ADCY5: variants seen among roughly 807,000 people sequenced by gnomAD.
ADCY5 encodes adenylate cyclase 5, also known as adenylate cyclase type 5.
A neutral mutation model predicts 119.7 loss-of-function variants in ADCY5; 30 were observed. That is an observed-to-expected ratio of 0.25 (90% CI 0.19 to 0.34). The LOEUF is 0.34. Ranked by LOEUF, ADCY5 falls within the 10% of genes least tolerant of loss-of-function variation. ADCY5 has a pLI of 1.00. For missense variants in ADCY5, 1,324 were observed against 1,775.2 expected (o/e 0.75, Z 4.57); for synonymous variants, 753 against 762.2 (o/e 0.99, Z 0.20).
chr3:123,318,624 C>G (rs1344816813), intron 10 of ADCY5, among the ~76,000 whole-genome samples: 1 of 152,208 alleles, frequency 6.6e-6, no homozygotes, highest in East Asian at 1.9e-4. Context: ...GGAGGTTGGG[C>G]TGGCACAGTC....
chr3:123,343,538 G>A (rs7633101), intron 3 of ADCY5, among the ~76,000 whole-genome samples: 151,232 of 152,284 alleles, frequency 0.99, 75,110 homozygotes, highest in East Asian at 1. Context: ...TGCTGATGCC[G>A]AGGTCTGTTT....
intron 3 of ADCY5, among the ~76,000 whole-genome samples, chr3:123,337,548 T>C (rs572515115): frequency 8.5e-4 from 130 of 152,382 alleles, no homozygotes; most frequent in South Asian, 2.1e-3. Flanking sequence ...TCCTAGCTTC[T>C]GGAGGCAGCC....
At chr3:123,436,038 G>A (rs1049353770) in intron 1 of ADCY5, among the ~76,000 whole-genome samples, 13 of 150,904 alleles carry the variant, frequency 8.6e-5, no homozygotes, top group Non-Finnish European at 1.2e-4. Context: ...CTACAGGTGC[G>A]TGCCACCACA....
Position 123,314,297 on chromosome 3 carries a change from G to A in ADCY5, c.2380C>T (p.Leu794=). 6.2e-7 allele frequency: 1 copy of A among 1,613,572 alleles called. No individual in the cohort carries two copies. Among genetic ancestry groups the A allele is most frequent in the Non-Finnish European group, 8.5e-7 (1 of 1,179,570 alleles). The part of the protein sequence containing the change: ...PHSIFMLSFY[L]TCSLLLTLVV... ...AAGGTCAGCAGCAGGGAACAGGTCA[G>A]GTAGAAGCTGAGCATGAATATGGAG... The change falls in exon 12 of 21, where the codon CTG becomes TTG. Residue 794 remains leucine (L), a synonymous_variant. Transcript: ENST00000462833.
chr3:123,321,676 C>T (rs1941226034), intron 8 of ADCY5, among the ~76,000 whole-genome samples: 1 of 152,196 alleles, frequency 6.6e-6, no homozygotes, highest in African/African-American at 2.4e-5. Context: ...AAACAGAGTT[C>T]GGCAAACACT....
At chr3:123,357,405 C>T (rs1943078251) in intron 1 of ADCY5, among the ~76,000 whole-genome samples, 2 of 152,146 alleles carry the variant, frequency 1.3e-5, no homozygotes, top group Non-Finnish European at 2.9e-5. Flanking sequence ...GTGTCTGCTG[C>T]AGCATCTCTG....
At position 123,447,513 on chromosome 3, in the gene ADCY5, C is replaced by G. The variant is rs1268494680; in HGVS notation, c.1033G>C (p.Val345Leu). The change falls in exon 1 of 21, where the codon GTG (valine) becomes CTG (leucine). Residue 345 changes from valine (V) to leucine (L), a missense_variant. Val to Leu is a conservative substitution (Grantham distance 32). Around this residue, in one of 6 missense-constraint regions of ADCY5, gnomAD observed 585 missense variants for 569.9 expected, o/e 1.03. Coordinates refer to ENST00000462833, the MANE Select transcript of ADCY5 (RefSeq NM_183357.3). ...FIYTIYTLLPVRMRAAVLSGV... is the reference protein window; with the variant it reads ...FIYTIYTLLPLRMRAAVLSGV... Reference sequence around the variant, plus strand: ...CTGAGCACTGCGGCCCGCATGCGCACGGGCAGCAGCGTGTAGATGGTGTAG... The same window carrying G: ...CTGAGCACTGCGGCCCGCATGCGCAGGGGCAGCAGCGTGTAGATGGTGTAG... The G allele has an allele frequency of 6.2e-7, 1 of 1,611,342 alleles. No individual in the cohort carries two copies. The highest frequency in any genetic ancestry group is 8.5e-7 in the Non-Finnish European group (1 of 1,179,616).
intron 1 of ADCY5, among the ~76,000 whole-genome samples, chr3:123,420,650 T>C (rs1945286445): frequency 6.6e-6 from 1 of 152,150 alleles, no homozygotes; most frequent in Admixed American, 6.5e-5. Flanking sequence ...CTGACACTGT[T>C]TGTCCCTGGG....
intron 1 of ADCY5, among the ~76,000 whole-genome samples, chr3:123,403,660 C>T (rs1392133237): frequency 1.3e-5 from 2 of 152,194 alleles, no homozygotes; most frequent in Admixed American, 6.5e-5. Flanking sequence ...ACACCACTGC[C>T]GTGAGAATCA....
chr3:123,447,887 T>C lies in ADCY5; in HGVS notation c.659A>G (p.Lys220Arg), dbSNP rs1191706599. 2 of 1,612,080 alleles carry C rather than the reference T, an allele frequency of 1.2e-6. No homozygotes were observed. Among genetic ancestry groups the C allele is most frequent in the Non-Finnish European group, 1.7e-6 (2 of 1,179,430 alleles). ...LALLQIFRSKKFPSDKLERLY... is the reference protein window; with the variant it reads ...LALLQIFRSKRFPSDKLERLY... ...CCGCTCCAGTTTGTCCGACGGGAAC[T>C]TCTTGGAGCGGAATATCTGCAGCAA... The change falls in exon 1 of 21, where the codon AAG (lysine) becomes AGG (arginine). Residue 220 changes from lysine (K) to arginine (R), a missense_variant. Lys to Arg is a conservative substitution (Grantham distance 26). Transcript: ENST00000462833.
chr3:123,439,679 G>A (rs1208283586), intron 1 of ADCY5, among the ~76,000 whole-genome samples: 2 of 152,128 alleles, frequency 1.3e-5, no homozygotes, highest in Non-Finnish European at 2.9e-5. Context: ...AGGGACTACT[G>A]TATGTGAGAC....
chr3:123,363,143 G>GAAAAAAAAAAAAAAAAAAAGAAATA (rs1943316566), intron 1 of ADCY5, among the ~76,000 whole-genome samples: 1 of 50,090 alleles, frequency 2.0e-5, no homozygotes, highest in African/African-American at 6.1e-5. Flanking sequence ...ATTCCTTCTT[G>GAAAAAAAAAAAAAAAAAAAGAAATA]AAAAAAAAAA....
chr3:123,398,616 A>T (rs995736400), intron 1 of ADCY5, among the ~76,000 whole-genome samples: 3 of 152,050 alleles, frequency 2.0e-5, no homozygotes, highest in African/African-American at 7.3e-5. Flanking sequence ...ATCAAATCTA[A>T]ATGTTTGTAA....
chr3:123,334,670 G>A (rs1941941288), intron 3 of ADCY5, among the ~76,000 whole-genome samples: 2 of 152,256 alleles, frequency 1.3e-5, no homozygotes, highest in Non-Finnish European at 2.9e-5. Flanking sequence ...CTCTGGAGAC[G>A]GAGGTTGCAG....
rs1379815629 is a variant in ADCY5, at chr3:123,286,523, T to C, written c.3657+162A>G. On this transcript the variant is annotated intron_variant, in intron 20 of 20. Coordinates refer to ENST00000462833, the MANE Select transcript of ADCY5 (RefSeq NM_183357.3). The surrounding 1 kb of genome is among the most constrained non-coding windows in gnomAD (Gnocchi z 4.2). ...GCTGAGGGCCTGAAACACAATTGTG[T>C]TCTCCAAGCTTCCAAGACATCAGCG... 6.6e-6 allele frequency among the ~76,000 whole-genome samples: 1 copy of C among 152,058 alleles called. No homozygotes were observed. Among genetic ancestry groups the C allele is most frequent in the African/African-American group, 2.4e-5 (1 of 41,404 alleles).
intron 1 of ADCY5, among the ~76,000 whole-genome samples, chr3:123,433,852 C>T (rs1203353051): frequency 6.6e-6 from 1 of 152,180 alleles, no homozygotes; most frequent in Non-Finnish European, 1.5e-5. Context: ...CTTCTGATAC[C>T]TCTTCTGGGT....
intron 1 of ADCY5, among the ~76,000 whole-genome samples, chr3:123,426,369 G>A (rs886216781): frequency 6.7e-6 from 1 of 149,574 alleles, no homozygotes. Flanking sequence ...TGTCACCCAG[G>A]CTGGAGTGCA....
rs530069547 is a variant in ADCY5, at chr3:123,330,738, C to T, written c.1646+151G>A. On this transcript the variant is annotated intron_variant, in intron 5 of 20. Transcript: ENST00000462833. ...AGAAGGCAGAAAGTCTGGTGGCACA[C>T]GCCAACCCTCAGCTTGGCTGGGCAC... 50 of 1,049,910 alleles carry T rather than the reference C, an allele frequency of 4.8e-5. No individual in the cohort carries two copies. In the African/African-American group the frequency reaches 5.1e-4, roughly 11 times the overall value. The allele number at this position is 1,049,910 out of a possible 1,614,324, so 65.0% of individuals were successfully genotyped here. A position where few individuals can be genotyped will look rare whatever the true frequency, so the allele number is the denominator to read the frequency against.
intron 4 of ADCY5, among the ~76,000 whole-genome samples, chr3:123,332,323 C>T (rs1941802237): frequency 6.6e-6 from 1 of 152,258 alleles, no homozygotes; most frequent in Admixed American, 6.5e-5. Flanking sequence ...CCTACACTCT[C>T]GCTTGTGGTC....
Sources: allele counts gnomAD v4.1 joint callset (sites outside exome capture counted in the v4.1 genomes callset), GRCh38; gene constraint gnomAD v4.1.1; regional missense constraint gnomAD v4.1.1; non-coding constraint Gnocchi (gnomAD v3.1); transcripts MANE v1.5; gene names NCBI Gene and HGNC (gene_info 2026-07-23, HGNC 2026-07-21).